Variants in ACVR2A observed in about 807,000 individuals in gnomAD.
ACVR2A encodes activin A receptor type 2A.
A neutral mutation model predicts 61.4 loss-of-function variants in ACVR2A; 7 were observed. That is an observed-to-expected ratio of 0.11 (90% CI 0.06 to 0.21). ACVR2A has a LOEUF of 0.21. Ranked by LOEUF, ACVR2A falls within the 10% of genes least tolerant of loss-of-function variation. The probability of loss-of-function intolerance (pLI) is 1.00; values close to 1 mark genes in which losing one functional copy is unlikely to be tolerated. For synonymous variants in ACVR2A, 193 were observed against 208.3 expected, an observed-to-expected ratio of 0.93 and a Z score of 0.63; for missense variants, 322 against 621.7, an observed-to-expected ratio of 0.52 and a Z score of 5.13.
intron 1 of ACVR2A, among the ~76,000 whole-genome samples, chr2:147,873,005 A>G (rs900498069): frequency 6.6e-6 from 1 of 151,968 alleles, no homozygotes; most frequent in South Asian, 2.1e-4. Context: ...GGAGACATTC[A>G]TGTTAGCTTA....
chr2:147,910,970 C>G (rs756375212), intron 4 of ACVR2A, among the ~76,000 whole-genome samples: 1 of 152,106 alleles, frequency 6.6e-6, no homozygotes, highest in Non-Finnish European at 1.5e-5. Flanking sequence ...TTTTCTGTCT[C>G]ACCATTATGA....
intron 1 of ACVR2A, among the ~76,000 whole-genome samples, chr2:147,846,954 C>T (rs1369385762): frequency 1.3e-5 from 2 of 152,084 alleles, no homozygotes; most frequent in African/African-American, 4.8e-5. Flanking sequence ...GGAGGTTATT[C>T]TTGAGCAGTC....
intron 1 of ACVR2A, among the ~76,000 whole-genome samples, chr2:147,893,328 G>A (rs546228096): frequency 5.3e-5 from 8 of 152,126 alleles, no homozygotes; most frequent in Admixed American, 2.0e-4. Flanking sequence ...TATCAATAAA[G>A]CCACTCTGAA....
intron 1 of ACVR2A, 78 bp downstream of exon 1, chr2:147,845,285 GA>G: frequency 7.1e-7 from 1 of 1,408,262 alleles, no homozygotes; most frequent in Non-Finnish European, 9.8e-7. Flanking sequence ...GGCTGGTGTT[GA>G]GTCGGAGAGT....
intron 1 of ACVR2A, among the ~76,000 whole-genome samples, chr2:147,848,199 T>C (rs1478820613): frequency 1.3e-5 from 2 of 152,216 alleles, no homozygotes; most frequent in Non-Finnish European, 2.9e-5. Context: ...AAAGGCAGAA[T>C]CTCTTATAAA....
At chr2:147,923,458 A>G (rs546569886) in intron 9 of ACVR2A, among the ~76,000 whole-genome samples, 62 of 152,234 alleles carry the variant, frequency 4.1e-4, no homozygotes, top group African/African-American at 1.4e-3. Context: ...CTGGTGAATG[A>G]TGAAACCTAG....
intron 1 of ACVR2A, among the ~76,000 whole-genome samples, chr2:147,860,811 G>T (rs535177738): frequency 3.7e-4 from 56 of 152,262 alleles, no homozygotes; most frequent in African/African-American, 1.3e-3. Flanking sequence ...GTTTCATAGG[G>T]AATGAGTTTT....
At chr2:147,915,113 C>A (rs988877127) in intron 4 of ACVR2A, 78 bp from the exon 5 acceptor site, 3 of 1,394,282 alleles carry the variant, frequency 2.2e-6, no homozygotes, top group Non-Finnish European at 3.0e-6. Context: ...TTTCAGTATA[C>A]TCACTTTTTT....
chr2:147,868,094 T>C (rs1685911104), intron 1 of ACVR2A, among the ~76,000 whole-genome samples: 2 of 152,216 alleles, frequency 1.3e-5, no homozygotes, highest in Non-Finnish European at 2.9e-5. Context: ...TTTTTCTCAT[T>C]CATCTCTGTA....
At chr2:147,883,027 G>A (rs1244412832) in intron 1 of ACVR2A, among the ~76,000 whole-genome samples, 3 of 152,096 alleles carry the variant, frequency 2.0e-5, no homozygotes, top group African/African-American at 7.2e-5. Context: ...GGGACAGTGT[G>A]GACTTTATGA....
intron 1 of ACVR2A, among the ~76,000 whole-genome samples, chr2:147,861,401 T>A (rs1319391514): frequency 6.6e-6 from 1 of 152,208 alleles, no homozygotes; most frequent in Admixed American, 6.5e-5. Flanking sequence ...AGAATACTAA[T>A]ATTTTCAATT....
At chr2:147,887,941 T>C (rs1326956449) in intron 1 of ACVR2A, among the ~76,000 whole-genome samples, 1 of 152,188 alleles carries the variant, frequency 6.6e-6, no homozygotes, top group African/African-American at 2.4e-5. Context: ...TGTCACCATA[T>C]GAGAGGTTTT....
At chr2:147,881,226 C>T (rs1468171919) in intron 1 of ACVR2A, among the ~76,000 whole-genome samples, 2 of 152,004 alleles carry the variant, frequency 1.3e-5, no homozygotes, top group African/African-American at 2.4e-5. Flanking sequence ...TTTCCTGGTT[C>T]CTGTTGTTCT....
At chr2:147,859,951 G>A (rs1685685638) in intron 1 of ACVR2A, among the ~76,000 whole-genome samples, 1 of 152,084 alleles carries the variant, frequency 6.6e-6, no homozygotes, top group Non-Finnish European at 1.5e-5. Flanking sequence ...AAGGAGCTAT[G>A]TACGACTTCC....
chr2:147,855,263 T>C (rs1320819399), intron 1 of ACVR2A, among the ~76,000 whole-genome samples: 3 of 152,176 alleles, frequency 2.0e-5, no homozygotes, highest in Non-Finnish European at 2.9e-5. Context: ...ATACTTCCAA[T>C]GCATGGCACA....
chr2:147,903,504 G>A (rs1270798873), intron 4 of ACVR2A, among the ~76,000 whole-genome samples: 3 of 151,628 alleles, frequency 2.0e-5, no homozygotes, highest in Non-Finnish European at 2.9e-5. Flanking sequence ...CTGTACTATT[G>A]CCAGAATAGC....
At chr2:147,912,148 C>T (rs903499622) in intron 4 of ACVR2A, among the ~76,000 whole-genome samples, 16 of 151,854 alleles carry the variant, frequency 1.1e-4, no homozygotes, top group Non-Finnish European at 2.2e-4. Flanking sequence ...TGTAGCTTCC[C>T]ACCTCTAATA....
At position 147,922,114 on chromosome 2, in the gene ACVR2A, A is replaced by G. The variant is rs573994763; in HGVS notation, c.1078-859A>G. Among the ~76,000 whole-genome samples, 6 of 152,240 alleles carry G rather than the reference A, an allele frequency of 3.9e-5. No individual in the cohort carries two copies. The East Asian group carries it at 9.6e-4, about 24-fold the overall frequency. ...AACATTCACTGATAGCACAATTAAA[A>G]TAATTATTCTGAGTAGTAAATTTTT... On this transcript the variant is annotated intron_variant, in intron 8 of 10. Transcript: ENST00000241416.
chr2:147,911,201 C>T (rs1406013983), intron 4 of ACVR2A, among the ~76,000 whole-genome samples: 1 of 152,020 alleles, frequency 6.6e-6, no homozygotes, highest in Admixed American at 6.6e-5. Flanking sequence ...TCTAGAGGCT[C>T]TTAGAAAAAT....
Sources: gnomAD v4.1 joint callset for allele counts (sites outside exome capture counted in the v4.1 genomes callset) on GRCh38, gnomAD v4.1.1 for gene constraint, MANE v1.5 for transcripts, NCBI Gene and HGNC (gene_info 2026-07-23, HGNC 2026-07-21) for gene names.